The following ZNG1B variants were observed in gnomAD, a reference collection of about 807,000 sequenced individuals.
The protein encoded by ZNG1B is Zn regulated GTPase metalloprotein activator 1B.
chr2:113,485,924 T>C, the ZNG1B span, among the ~76,000 whole-genome samples: 1 of 151,874 alleles, frequency 6.6e-6, no homozygotes, highest in Non-Finnish European at 1.5e-5. Flanking sequence ...CATTTTGCTT[T>C]AGTTTTCTCA....
At chr2:113,485,054 T>C in the ZNG1B span, among the ~76,000 whole-genome samples, 1 of 146,830 alleles carries the variant, frequency 6.8e-6, no homozygotes, top group South Asian at 2.2e-4. Context: ...CAGGTCAAGA[T>C]ACAAAAGATA....
At chr2:113,478,142 T>A in the ZNG1B span, among the ~76,000 whole-genome samples, 334 of 152,356 alleles carry the variant, frequency 2.2e-3, 1 homozygote, top group Non-Finnish European at 3.7e-3. Flanking sequence ...CTCGTATATG[T>A]CCATAGAAGA....
At chr2:113,457,030 C>T in the ZNG1B span, 2 of 454,582 alleles carry the variant, frequency 4.4e-6, no homozygotes, top group South Asian at 3.1e-5. Flanking sequence ...GGGATTGTCA[C>T]CCATTGATCT....
At chr2:113,469,991 C>CTTTTT in the ZNG1B span, 2 of 132,800 alleles carry the variant, frequency 1.5e-5, no homozygotes, top group African/African-American at 2.9e-5. Context: ...CTCTGCTGTT[C>CTTTTT]TTTTTTTTTT....
At chr2:113,437,713 C>T in the ZNG1B span, 7 of 1,518,516 alleles carry the variant, frequency 4.6e-6, no homozygotes, top group South Asian at 1.2e-5. Flanking sequence ...GCTTCTCGTC[C>T]AGAGCCCAGG....
At chr2:113,483,258 C>T in the ZNG1B span, among the ~76,000 whole-genome samples, 4 of 150,692 alleles carry the variant, frequency 2.7e-5, no homozygotes, top group Admixed American at 6.6e-5. Context: ...TTTCCATGAG[C>T]GTTTGGGGCG....
chr2:113,461,301 C>G, the ZNG1B span, among the ~76,000 whole-genome samples: 4 of 151,520 alleles, frequency 2.6e-5, no homozygotes, highest in Admixed American at 2.6e-4. Context: ...AGGCTGGTCT[C>G]GAGCTCCTGA....
the ZNG1B span, among the ~76,000 whole-genome samples, chr2:113,476,029 G>A: frequency 5.3e-5 from 8 of 151,898 alleles, no homozygotes; most frequent in African/African-American, 9.7e-5. Context: ...GAATCTGAAC[G>A]TTGGCCTGCC....
the ZNG1B span, chr2:113,439,196 T>C: frequency 1.5e-6 from 2 of 1,313,332 alleles, no homozygotes; most frequent in African/African-American, 3.0e-5. Context: ...TTGCTGAATC[T>C]AGGGATAGTT....
chr2:113,464,638 G>A, the ZNG1B span, among the ~76,000 whole-genome samples: 1 of 151,262 alleles, frequency 6.6e-6, no homozygotes, highest in Non-Finnish European at 1.5e-5. Context: ...CCTGGGATGT[G>A]TGACTTAGAA....
chr2:113,483,315 G>A, the ZNG1B span, among the ~76,000 whole-genome samples: 3,755 of 151,742 alleles, frequency 0.025, 112 homozygotes, highest in African/African-American at 0.086. Flanking sequence ...CTATTGTGGC[G>A]GTTACGATGC....
the ZNG1B span, chr2:113,466,859 T>C: frequency 1.2e-5 from 11 of 943,418 alleles, no homozygotes; most frequent in Non-Finnish European, 1.4e-5. Flanking sequence ...GATCAGGAGA[T>C]GGAGACCATC....
chr2:113,472,042 C>A, the ZNG1B span, among the ~76,000 whole-genome samples: 37 of 148,994 alleles, frequency 2.5e-4, no homozygotes, highest in African/African-American at 7.1e-4. Flanking sequence ...AGTTGTAGAT[C>A]CCTGAGGAAT....
the ZNG1B span, among the ~76,000 whole-genome samples, chr2:113,448,066 A>C: frequency 6.6e-6 from 1 of 152,204 alleles, no homozygotes; most frequent in Non-Finnish European, 1.5e-5. Flanking sequence ...GAAGGTTTTC[A>C]ATTTAGTTTG....
chr2:113,456,092 G>T, the ZNG1B span, among the ~76,000 whole-genome samples: 1 of 151,612 alleles, frequency 6.6e-6, no homozygotes, highest in East Asian at 1.9e-4. Context: ...GGATATGTCA[G>T]GTTTGTCAAA....
chr2:113,471,043 T>G, the ZNG1B span: 1 of 1,579,280 alleles, frequency 6.3e-7, no homozygotes. Context: ...AGTTGATCTC[T>G]CTAATGTATT....
chr2:113,490,498 T>C, the ZNG1B span, among the ~76,000 whole-genome samples: 1 of 151,606 alleles, frequency 6.6e-6, no homozygotes, highest in African/African-American at 2.4e-5. Flanking sequence ...TTAAATGAAA[T>C]TGAAACAAAA....
At chr2:113,468,806 C>T in the ZNG1B span, 1 of 151,164 alleles carries the variant, frequency 6.6e-6, no homozygotes, top group Non-Finnish European at 1.5e-5. Context: ...GAAGCTTACA[C>T]TTTTCCTCTT....
At chr2:113,472,695 T>C in the ZNG1B span, among the ~76,000 whole-genome samples, 1 of 151,910 alleles carries the variant, frequency 6.6e-6, no homozygotes, top group African/African-American at 2.4e-5. Flanking sequence ...GTTTCAGCTT[T>C]CTACATATGG....
Sources: allele counts gnomAD v4.1 joint callset (sites outside exome capture counted in the v4.1 genomes callset), GRCh38; gene constraint gnomAD v4.1.1; transcripts MANE v1.5; gene names NCBI Gene and HGNC (gene_info 2026-07-23, HGNC 2026-07-21).